SNTB1: variants seen among roughly 807,000 people sequenced by gnomAD.
SNTB1 encodes the protein beta-1-syntrophin.
SNTB1 carries 36 observed loss-of-function variants against 48.9 expected under a neutral mutation model. That is an observed-to-expected ratio of 0.74 (90% confidence interval 0.56 to 0.97). The LOEUF (loss-of-function observed/expected upper bound fraction) is 0.97, where lower values mean the gene tolerates loss of function less well. Among genes scored for constraint, SNTB1 ranks in the 50% least tolerant of loss-of-function variants. The pLI is 0.00. For missense variants in SNTB1, 786 were observed against 703.4 expected, an observed-to-expected ratio of 1.12 and a Z score of -1.33; for synonymous variants, 299 against 294.6, an observed-to-expected ratio of 1.01 and a Z score of -0.15.
At chr8:120,749,574 T>G (rs1390570037) in intron 1 of SNTB1, among the ~76,000 whole-genome samples, 1 of 152,144 alleles carries the variant, frequency 6.6e-6, no homozygotes, top group South Asian at 2.1e-4. Flanking sequence ...CTGTATGCTG[T>G]GAAGAGGCCC....
At chr8:120,566,787 C>T (rs969239088) in intron 4 of SNTB1, among the ~76,000 whole-genome samples, 8 of 152,128 alleles carry the variant, frequency 5.3e-5, no homozygotes, top group East Asian at 1.9e-4. Flanking sequence ...ATGGTGTTCC[C>T]GCTGCTGGGC....
intron 1 of SNTB1, among the ~76,000 whole-genome samples, chr8:120,714,689 G>A (rs1481981241): frequency 6.6e-6 from 1 of 152,158 alleles, no homozygotes; most frequent in Non-Finnish European, 1.5e-5. Context: ...TCTTGTCAAG[G>A]TGGTAACTTG....
chr8:120,714,871 G>C (rs1296874319), intron 1 of SNTB1, among the ~76,000 whole-genome samples: 1 of 152,138 alleles, frequency 6.6e-6, no homozygotes, highest in Admixed American at 6.5e-5. Context: ...AACAACATCT[G>C]TTCTTACATT....
At chr8:120,776,335 T>A (rs1327668147) in intron 1 of SNTB1, 1 of 152,224 alleles carries the variant, frequency 6.6e-6, no homozygotes, top group African/African-American at 2.4e-5. Context: ...CTATCTAACA[T>A]TTATATTCCA....
At chr8:120,671,855 T>A (rs1817763036) in intron 2 of SNTB1, among the ~76,000 whole-genome samples, 1 of 152,228 alleles carries the variant, frequency 6.6e-6, no homozygotes, top group Non-Finnish European at 1.5e-5. Flanking sequence ...ATGTAGGACT[T>A]AAAGATAGAC....
intron 2 of SNTB1, among the ~76,000 whole-genome samples, chr8:120,684,749 G>C (rs899724721): frequency 6.6e-6 from 1 of 151,732 alleles, no homozygotes; most frequent in African/African-American, 2.4e-5. Context: ...CTGCCTCCTG[G>C]GTTCAAGCAA....
chr8:120,608,265 A>T (rs1816558417), intron 3 of SNTB1, among the ~76,000 whole-genome samples: 1 of 152,220 alleles, frequency 6.6e-6, no homozygotes, highest in African/African-American at 2.4e-5. Flanking sequence ...ATCATATAGG[A>T]TTATTAGAAG....
chr8:120,675,769 A>G (rs1443980325), intron 2 of SNTB1, among the ~76,000 whole-genome samples: 1 of 152,236 alleles, frequency 6.6e-6, no homozygotes, highest in African/African-American at 2.4e-5. Context: ...GAGGTAAACT[A>G]TCTTTGCCAC....
chr8:120,578,457 AT>A (rs2130690796), intron 3 of SNTB1, among the ~76,000 whole-genome samples: 1 of 152,298 alleles, frequency 6.6e-6, no homozygotes, highest in East Asian at 1.9e-4. Context: ...TCTGATATGA[AT>A]ACGACAGTTT....
At chr8:120,601,738 T>C (rs1425131215) in intron 3 of SNTB1, among the ~76,000 whole-genome samples, 2 of 152,184 alleles carry the variant, frequency 1.3e-5, no homozygotes, top group Admixed American at 1.3e-4. Flanking sequence ...AACAGCCTCC[T>C]CCAAATAAAT....
At chr8:120,683,808 T>C (rs1483395391) in intron 2 of SNTB1, among the ~76,000 whole-genome samples, 1 of 152,180 alleles carries the variant, frequency 6.6e-6, no homozygotes, top group Non-Finnish European at 1.5e-5. Flanking sequence ...AGTCCCCTTT[T>C]CTTGCACCCA....
chr8:120,568,922 T>C (rs1407756281), intron 4 of SNTB1, among the ~76,000 whole-genome samples: 1 of 152,198 alleles, frequency 6.6e-6, no homozygotes, highest in Non-Finnish European at 1.5e-5. Flanking sequence ...TACAACTGGG[T>C]CTGCTTTATG....
chr8:120,541,978 C>A lies in SNTB1; in HGVS notation c.1356G>T (p.Glu452Asp), dbSNP rs541567345. ...ISTACTYKNQ[E>D]CRLTIHYENG... is the part of the protein sequence containing the mutation. ...TCTCATAATGTATGGTCAAACGGCA[C>A]TCCTGGTTTTTGTAGGTGCAAGCTG... The change falls in exon 6 of 7, where the codon GAG becomes GAT. Residue 452 changes from glutamate to aspartate, a missense_variant. Transcript: ENST00000517992. The A allele has an allele frequency of 1.2e-6, 2 of 1,613,464 alleles. No individual in the cohort carries two copies. The highest frequency in any genetic ancestry group is 8.5e-7 in the Non-Finnish European group (1 of 1,179,794).
At chr8:120,640,597 G>A (rs1330315339) in intron 2 of SNTB1, among the ~76,000 whole-genome samples, 1 of 152,184 alleles carries the variant, frequency 6.6e-6, no homozygotes, top group Non-Finnish European at 1.5e-5. Flanking sequence ...AAGGACTGTT[G>A]AATTTTGCCA....
intron 3 of SNTB1, among the ~76,000 whole-genome samples, chr8:120,631,342 T>C (rs1816975367): frequency 6.6e-6 from 1 of 152,154 alleles, no homozygotes; most frequent in Admixed American, 6.5e-5. Flanking sequence ...TTCTTTGAAA[T>C]CTTTGAGAGA....
At chr8:120,550,871 G>T (rs1403196818) in intron 4 of SNTB1, among the ~76,000 whole-genome samples, 2 of 152,174 alleles carry the variant, frequency 1.3e-5, no homozygotes, top group Non-Finnish European at 2.9e-5. Context: ...GAGCAAAAAT[G>T]TATACTGTGT....
At chr8:120,624,914 C>T (rs1023282170) in intron 3 of SNTB1, among the ~76,000 whole-genome samples, 5 of 152,168 alleles carry the variant, frequency 3.3e-5, no homozygotes, top group Non-Finnish European at 5.9e-5. Flanking sequence ...AAGTCCAAAA[C>T]ACAAAAGGGA....
intron 2 of SNTB1, among the ~76,000 whole-genome samples, chr8:120,665,182 TG>T (rs1355803450): frequency 6.6e-6 from 1 of 152,214 alleles, no homozygotes; most frequent in East Asian, 1.9e-4. Flanking sequence ...CTGGGCATGG[TG>T]GCTTACACCT....
chr8:120,659,035 C>A (rs530559676), intron 2 of SNTB1, among the ~76,000 whole-genome samples: 3 of 151,746 alleles, frequency 2.0e-5, no homozygotes, highest in African/African-American at 7.2e-5. Context: ...CCTATCTTGG[C>A]TCACTGCAAC....
Sources: gnomAD v4.1 joint callset for allele counts (sites outside exome capture counted in the v4.1 genomes callset) on GRCh38, gnomAD v4.1.1 for gene constraint, MANE v1.5 for transcripts, NCBI Gene and HGNC (gene_info 2026-07-23, HGNC 2026-07-21) for gene names.